TEDC1: variants seen among roughly 807,000 people sequenced by gnomAD.
TEDC1 encodes tubulin epsilon and delta complex 1, also known as tubulin epsilon and delta complex protein 1.
A neutral mutation model predicts 59.9 loss-of-function variants in TEDC1; 54 were observed. The ratio of observed to expected loss-of-function variants is 0.90; its 90% CI spans 0.72 to 1.13. The LOEUF (loss-of-function observed/expected upper bound fraction) is 1.13, where lower values mean the gene tolerates loss of function less well. Ranked by LOEUF, TEDC1 falls within the 50% of genes most tolerant of loss-of-function variation. The pLI is 0.00. For synonymous variants in TEDC1, 353 were observed against 298.1 expected (o/e 1.18, Z -1.90); for missense variants, 734 against 683.4 (o/e 1.07, Z -0.83).
At position 105,496,065 on chromosome 14, in the gene TEDC1, C is replaced by T. The variant is rs1555440384; in HGVS notation, c.870C>T (p.Ser290=). 2.0e-6 allele frequency: 3 copies of T among 1,506,404 alleles called. No individual in the cohort carries two copies. Among genetic ancestry groups the T allele is most frequent in the Admixed American group, 2.0e-5 (1 of 49,436 alleles). 93.3% of individuals were successfully genotyped at this position (1,506,404 alleles called of 1,614,324 possible). The change falls in exon 6 of 9, where the codon AGC becomes AGT. Residue 290 remains serine, a synonymous_variant. Transcript: ENST00000392523. ...PLDPGGASAC[S]LLSPFRALLR... ...ATCCTGGTGGGGCCTCAGCCTGCAG[C>T]CTGCTCTCCCCTTTTAGGGCGGTAA...
upstream of TEDC1, chr14:105,490,807 G>A (rs587653715): frequency 3.3e-6 from 2 of 597,840 alleles, no homozygotes; most frequent in African/African-American, 1.9e-5. Flanking sequence ...CGCTCCGACT[G>A]CGTAAGCGGC....
At chr14:105,491,983 T>C in intron 2 of TEDC1, 124 bp from the exon 3 acceptor site, 1 of 1,060,440 alleles carries the variant, frequency 9.4e-7, no homozygotes, top group Non-Finnish European at 1.4e-6. Context: ...GCTCTCCCAC[T>C]ATCATCTCTT....
At chr14:105,491,982 C>T (rs946248060) in intron 2 of TEDC1, 125 bp from the exon 3 acceptor site, 2 of 1,057,578 alleles carry the variant, frequency 1.9e-6, no homozygotes, top group African/African-American at 1.6e-5. Context: ...AGCTCTCCCA[C>T]TATCATCTCT....
At chr14:105,490,984 T>C, upstream of TEDC1, 6 of 1,524,768 alleles carry the variant, frequency 3.9e-6, no homozygotes, top group Non-Finnish European at 4.4e-6. Context: ...TCAACAGCCC[T>C]GCCAGGAGCC....
At chr14:105,496,541 T>G in intron 6 of TEDC1, 1 of 194,686 alleles carries the variant, frequency 5.1e-6, no homozygotes, top group Non-Finnish European at 1.1e-5. Context: ...AGGGGTAGAG[T>G]GGGGCAGGAT....
upstream of TEDC1, chr14:105,491,114 G>C (rs1555439141): frequency 6.4e-7 from 1 of 1,551,190 alleles, no homozygotes. Context: ...TGTCCGGCCA[G>C]CGCGGTGATT....
intron 4 of TEDC1, 48 bp from the exon 5 acceptor site, chr14:105,493,787 G>C: frequency 2.2e-6 from 3 of 1,357,572 alleles, no homozygotes; most frequent in Non-Finnish European, 3.1e-6. Flanking sequence ...AGCGTTGGGG[G>C]AGGTGCTTGA....
intron 6 of TEDC1, chr14:105,496,994 T>A: frequency 2.8e-6 from 1 of 362,944 alleles, no homozygotes; most frequent in Non-Finnish European, 5.0e-6. Flanking sequence ...AGGTCTAGGC[T>A]TGAGAGGCAC....
chr14:105,492,659 G>A lies in TEDC1; in HGVS notation c.510G>A (p.Trp170Ter). ...CTGTGGATGTCCGCCATGTGCAGTG[G>A]CTGATGGGAAAGCTGCGGTTCCGGT... is the stretch of plus-strand genomic sequence containing the variant. ...EGPVDVRHVQ[W>*]LMGKLRFRWR... Residue 170 changes from tryptophan to a stop codon, truncating the protein, a stop_gained, in exon 4 of 9, where the codon TGG becomes TGA. Transcript: ENST00000392523. LOFTEE classifies it high-confidence loss of function. 1 of 1,544,990 alleles carries A rather than the reference G, an allele frequency of 6.5e-7. No homozygotes were observed. The highest frequency in any genetic ancestry group is 1.2e-5 in the South Asian group (1 of 84,062).
At position 105,492,180 on chromosome 14, in the gene TEDC1, T is replaced by C. The variant is rs587723635; in HGVS notation, c.300T>C (p.Pro100=). 6 of 1,612,996 alleles carry C rather than the reference T, an allele frequency of 3.7e-6. No individual in the cohort carries two copies. The Admixed American group carries it at 1.0e-4, about 27-fold the overall frequency. Reference sequence around the variant, plus strand: ...CGAGGCTGGCACTGGCACAACTACCTGAGGATGGCTCGCAGGGCAGTCGGG... The same window carrying C: ...CGAGGCTGGCACTGGCACAACTACCCGAGGATGGCTCGCAGGGCAGTCGGG... ...GYPRLALAQL[P]EDGSQGSREL... is the part of the protein sequence containing the mutation. The change falls in exon 3 of 9, where the codon CCT becomes CCC. Residue 100 remains proline (P), a synonymous_variant. Transcript: ENST00000392523.
Position 105,493,988 on chromosome 14 carries a change from G to A in TEDC1, c.684+55G>A, listed in dbSNP as rs1447568579. ...TGGGGGTGGGCTGGGGGGCACAGCA[G>A]GGGGACTGCCCAGGGTGGGAGGGGC... On this transcript the variant is annotated intron_variant, in intron 5 of 8. Coordinates refer to ENST00000392523, the MANE Select transcript of TEDC1 (RefSeq NM_001367178.1). The A allele has an allele frequency of 3.7e-6, 3 of 811,028 alleles. No homozygotes were observed. In the Admixed American group the frequency reaches 8.5e-5, roughly 23 times the overall value. The allele number at this position is 811,028 out of a possible 1,614,324, so 50.2% of individuals were successfully genotyped here.
chr14:105,491,158 C>G, upstream of TEDC1: 1 of 1,550,500 alleles, frequency 6.4e-7, no homozygotes. Flanking sequence ...TGATTGGGTA[C>G]AGGTCTCGGC....
intron 3 of TEDC1, 76 bp downstream of exon 3, chr14:105,492,385 AG>A (rs2084235832): frequency 1.3e-6 from 2 of 1,563,788 alleles, no homozygotes; most frequent in Non-Finnish European, 1.7e-6. Context: ...GGCCTGGGTC[AG>A]CCCCCTCTGT....
Position 105,491,499 on chromosome 14 carries a change from G to T in TEDC1, c.124G>T (p.Ala42Ser). Residue 42 changes from alanine (A) to serine (S), a missense_variant, in exon 1 of 9, where the codon GCC becomes TCC. Physicochemically the swap from Ala to Ser is moderately conservative, Grantham distance 99. Coordinates refer to ENST00000392523, the MANE Select transcript of TEDC1 (RefSeq NM_001367178.1). Reference sequence around the variant, plus strand: ...ACCCAGCCCCGAGATCTTCCGCCGCGCCAAGTTCGACCGTCCGGAGGCGGT... The same window carrying T: ...ACCCAGCCCCGAGATCTTCCGCCGCTCCAAGTTCGACCGTCCGGAGGCGGT... ...SGPSPEIFRRAKFDRPEATSA... is the reference protein window; with the variant it reads ...SGPSPEIFRRSKFDRPEATSA... 6.7e-7 allele frequency: 1 copy of T among 1,493,156 alleles called. No individual in the cohort carries two copies. 92.5% of individuals were successfully genotyped at this position (1,493,156 alleles called of 1,614,324 possible). A position where few individuals can be genotyped will look rare whatever the true frequency, so the allele number is the denominator to read the frequency against.
Position 105,492,134 on chromosome 14 carries a change from C to T in TEDC1, c.254C>T (p.Ala85Val), listed in dbSNP as rs2084229079. Residue 85 changes from alanine (A) to valine (V), a missense_variant, in exon 3 of 9, where the codon GCA becomes GTA. Coordinates refer to ENST00000392523, the MANE Select transcript of TEDC1 (RefSeq NM_001367178.1). Reference sequence around the variant, plus strand: ...GTCCAAGCCCGCTTGGTGAAGTCAGCACTATGCTCCCAGGGCTACCCGAGG... The same window carrying T: ...GTCCAAGCCCGCTTGGTGAAGTCAGTACTATGCTCCCAGGGCTACCCGAGG... Reference protein sequence around the residue: ...LEVQARLVKSALCSQGYPRLA... With the variant: ...LEVQARLVKSVLCSQGYPRLA... 3 of 1,611,834 alleles carry T rather than the reference C, an allele frequency of 1.9e-6. No individual in the cohort carries two copies. The highest frequency in any genetic ancestry group is 1.7e-6 in the Non-Finnish European group (2 of 1,179,412).
In TEDC1 at chr14:105,493,825, C is replaced by T. The variant is rs781789340; in HGVS notation, c.586-10C>T. 5 of 1,601,014 alleles carry T rather than the reference C, an allele frequency of 3.1e-6. No individual in the cohort carries two copies. The highest frequency in any genetic ancestry group is 3.4e-6 in the Non-Finnish European group (4 of 1,174,542). ...GCCACTCAGCCTGGGGTCTGCACTA[C>T]CTGTTTTAGATCCACCTGTACACAC... is the stretch of plus-strand genomic sequence containing the variant. On this transcript the variant is annotated splice_polypyrimidine_tract_variant and intron_variant, in intron 4 of 8. Coordinates refer to ENST00000392523, the MANE Select transcript of TEDC1 (RefSeq NM_001367178.1).
chr14:105,498,022 G>T, intron 8 of TEDC1, 45 bp downstream of exon 8: 1 of 1,459,824 alleles, frequency 6.9e-7, no homozygotes, highest in Non-Finnish European at 9.1e-7. Flanking sequence ...CCCCACCTTC[G>T]GGGGATGGCT....
intron 4 of TEDC1, among the ~76,000 whole-genome samples, 175 bp from the exon 5 acceptor site, chr14:105,493,660 G>C (rs1555439922): frequency 6.6e-6 from 1 of 152,160 alleles, no homozygotes. Flanking sequence ...GCTGATGGTT[G>C]TTCTGCACCC....
chr14:105,496,348 C>T (rs963974621), intron 6 of TEDC1: 5 of 508,520 alleles, frequency 9.8e-6, no homozygotes, highest in South Asian at 2.2e-5. Flanking sequence ...AGCTCCCACA[C>T]CGCCCACAGA....
Sources: gnomAD v4.1 joint callset for allele counts (sites outside exome capture counted in the v4.1 genomes callset) on GRCh38, gnomAD v4.1.1 for gene constraint, MANE v1.5 for transcripts, NCBI Gene and HGNC (gene_info 2026-07-23, HGNC 2026-07-21) for gene names.